The following ANKS1B variants were observed in gnomAD, a reference collection of about 807,000 sequenced individuals.
The protein encoded by ANKS1B is ankyrin repeat and sterile alpha motif domain containing 1B.
Under a neutral mutation model 148.3 loss-of-function variants are expected in ANKS1B, and 36 were observed. The ratio of observed to expected loss-of-function variants is 0.24; its 90% CI spans 0.19 to 0.32. The LOEUF is 0.32. Ranked by LOEUF, ANKS1B falls within the 10% of genes least tolerant of loss-of-function variation. The probability of loss-of-function intolerance (pLI) is 1.00; values close to 1 mark genes in which losing one functional copy is unlikely to be tolerated. For synonymous variants in ANKS1B, 542 were observed against 560.8 expected, an observed-to-expected ratio of 0.97 and a Z score of 0.47; for missense variants, 1,157 against 1,542.6, an observed-to-expected ratio of 0.75 and a Z score of 4.19.
Position 99,504,644 on chromosome 12 carries a change from GA to G in ANKS1B, c.1273-4del. On this transcript the variant is annotated splice_region_variant and splice_polypyrimidine_tract_variant and intron_variant, in intron 9 of 26. Coordinates refer to ENST00000683438, the MANE Select transcript of ANKS1B (RefSeq NM_001352186.2). ...TTTCTCTTCTTTGGATAGGACTCCT[GA>G]AAAGAAGAAAAAATAAAAACAGCTT... 3 of 1,524,510 alleles carry G rather than the reference GA, an allele frequency of 2.0e-6. No individual in the cohort carries two copies. Among genetic ancestry groups the G allele is most frequent in the Non-Finnish European group, 2.6e-6 (3 of 1,136,236 alleles). The allele number at this position is 1,524,510 out of a possible 1,614,324, so 94.4% of individuals were successfully genotyped here.
chr12:99,656,615 C>T (rs184168115), intron 8 of ANKS1B, among the ~76,000 whole-genome samples: 1 of 152,090 alleles, frequency 6.6e-6, no homozygotes, highest in East Asian at 1.9e-4. Context: ...CAAACCAAGA[C>T]CTCTAACATC....
At chr12:98,870,734 C>T (rs2099659367) in intron 17 of ANKS1B, among the ~76,000 whole-genome samples, 1 of 152,232 alleles carries the variant, frequency 6.6e-6, no homozygotes, top group African/African-American at 2.4e-5. Context: ...AGCACACAGC[C>T]TCGTTATCCA....
At chr12:99,378,652 C>CAAAAAAAAAAAAA (rs140892353) in intron 12 of ANKS1B, among the ~76,000 whole-genome samples, 3 of 90,710 alleles carry the variant, frequency 3.3e-5, no homozygotes, top group East Asian at 6.0e-4. Flanking sequence ...GACTCCATCT[C>CAAAAAAAAAAAAA]AAAAAAAAAA....
chr12:99,170,719 A>G lies in ANKS1B; in HGVS notation c.2420-16324T>C, dbSNP rs11833329. 2.9e-3 allele frequency among the ~76,000 whole-genome samples: 435 copies of G among 152,268 alleles called. 2 individuals carry two copies. Among genetic ancestry groups the G allele is most frequent in the African/African-American group, 0.01 (429 of 41,558 alleles). On this transcript the variant is annotated intron_variant, in intron 14 of 26. Coordinates refer to ENST00000683438, the MANE Select transcript of ANKS1B (RefSeq NM_001352186.2). ...TAACAGGAAAGCTAATTGTACCGTG[A>G]AGTGATCAGAATTCCCACACCCATG...
chr12:99,527,247 A>T (rs1332271444), intron 9 of ANKS1B, among the ~76,000 whole-genome samples: 1 of 152,172 alleles, frequency 6.6e-6, no homozygotes, highest in Non-Finnish European at 1.5e-5. Context: ...ACTTTTGATT[A>T]ATCTCTTAGC....
chr12:98,744,551 A>G lies in ANKS1B; in HGVS notation c.*1188T>C, dbSNP rs914630453. On this transcript the variant is annotated 3_prime_UTR_variant, in exon 27 of 27. Coordinates refer to ENST00000683438, the MANE Select transcript of ANKS1B (RefSeq NM_001352186.2). ...AAATATACATTATGGTATCATACAAATACTCCACAGAGACATTAAAAAATT... is the reference window on the plus strand; with the variant it reads ...AAATATACATTATGGTATCATACAAGTACTCCACAGAGACATTAAAAAATT... The G allele has an allele frequency of 3.3e-6, 2 of 612,558 alleles. No homozygotes were observed. The highest frequency in any genetic ancestry group is 4.0e-5 in the African/African-American group (2 of 50,120). 37.9% of individuals were successfully genotyped at this position (612,558 alleles called of 1,614,324 possible). A position where few individuals can be genotyped will look rare whatever the true frequency, so the allele number is the denominator to read the frequency against.
Position 99,671,311 on chromosome 12 carries a change from C to T in ANKS1B, c.1129-16101G>A, listed in dbSNP as rs891552297. ...CTATAAAATAGAAATGCTTTCAGTG[C>T]TGATGTTTACGTAAATATGTACTTG... On this transcript the variant is annotated intron_variant, in intron 8 of 26. Coordinates refer to ENST00000683438, the MANE Select transcript of ANKS1B (RefSeq NM_001352186.2). 1.4e-4 allele frequency among the ~76,000 whole-genome samples: 21 copies of T among 152,134 alleles called. 1 individual carries two copies. The highest frequency in any genetic ancestry group is 5.1e-4 in the African/African-American group (21 of 41,542).
intron 15 of ANKS1B, among the ~76,000 whole-genome samples, chr12:99,142,946 GAT>G (rs1266903092): frequency 6.6e-6 from 1 of 152,098 alleles, no homozygotes; most frequent in Non-Finnish European, 1.5e-5. Flanking sequence ...ATACAGGCCT[GAT>G]GAATGCCAAA....
Position 98,745,287 on chromosome 12 carries a change from G to A in ANKS1B, c.*452C>T, listed in dbSNP as rs1415033758. ...AGAATGATTTTACAGATGCTTTGGAGGTGGGAGGGGTAGTGCTGCTCTGAT... is the reference window on the plus strand; with the variant it reads ...AGAATGATTTTACAGATGCTTTGGAAGTGGGAGGGGTAGTGCTGCTCTGAT... On this transcript the variant is annotated 3_prime_UTR_variant, in exon 27 of 27. Coordinates refer to ENST00000683438, the MANE Select transcript of ANKS1B (RefSeq NM_001352186.2). The A allele has an allele frequency of 1.0e-6, 1 of 985,766 alleles. No homozygotes were observed. The highest frequency in any genetic ancestry group is 6.2e-5 in the Admixed American group (1 of 16,260). The allele number at this position is 985,766 out of a possible 1,614,324, so 61.1% of individuals were successfully genotyped here. A position where few individuals can be genotyped will look rare whatever the true frequency, so the allele number is the denominator to read the frequency against.
chr12:99,628,503 T>C (rs373194036), intron 9 of ANKS1B, among the ~76,000 whole-genome samples: 68 of 152,190 alleles, frequency 4.5e-4, no homozygotes, highest in African/African-American at 1.5e-3. Flanking sequence ...GTCCACAGCA[T>C]TGTTGCCTTT....
chr12:99,742,355 A>T (rs2060198288), intron 8 of ANKS1B, among the ~76,000 whole-genome samples: 1 of 152,154 alleles, frequency 6.6e-6, no homozygotes, highest in South Asian at 2.1e-4. Context: ...TTAAAAAGAA[A>T]GAAAACCAAA....
intron 9 of ANKS1B, among the ~76,000 whole-genome samples, chr12:99,566,651 G>C (rs887376389): frequency 6.6e-6 from 1 of 152,160 alleles, no homozygotes; most frequent in East Asian, 1.9e-4. Flanking sequence ...GGCTTTATAA[G>C]AAGAGGAAGA....
chr12:99,345,202 G>T (rs2090492030), intron 12 of ANKS1B, among the ~76,000 whole-genome samples: 1 of 152,038 alleles, frequency 6.6e-6, no homozygotes, highest in Admixed American at 6.6e-5. Context: ...TGGTCAAATT[G>T]TTACTATGCC....
At chr12:99,431,929 G>C (rs549576657) in intron 11 of ANKS1B, among the ~76,000 whole-genome samples, 1 of 152,182 alleles carries the variant, frequency 6.6e-6, no homozygotes, top group Non-Finnish European at 1.5e-5. Context: ...GGGTCAAGAG[G>C]ACAGATCTCT....
intron 17 of ANKS1B, among the ~76,000 whole-genome samples, chr12:99,049,304 ACG>A (rs1199209158): frequency 1.3e-5 from 2 of 152,076 alleles, no homozygotes; most frequent in Non-Finnish European, 1.5e-5. Context: ...ATATGTACAC[ACG>A]CACACACACA....
At chr12:99,617,713 G>T (rs1383135073) in intron 9 of ANKS1B, among the ~76,000 whole-genome samples, 1 of 151,782 alleles carries the variant, frequency 6.6e-6, no homozygotes, top group East Asian at 1.9e-4. Context: ...CTAGATGATG[G>T]GTTGATAGGT....
chr12:99,514,452 A>G (rs1472584857), intron 9 of ANKS1B, among the ~76,000 whole-genome samples: 2 of 152,052 alleles, frequency 1.3e-5, no homozygotes, highest in African/African-American at 4.8e-5. Context: ...TACAACTTAT[A>G]TTTATGCAGT....
At chr12:99,196,916 T>C (rs1449589090) in intron 14 of ANKS1B, among the ~76,000 whole-genome samples, 1 of 152,134 alleles carries the variant, frequency 6.6e-6, no homozygotes, top group Non-Finnish European at 1.5e-5. Context: ...GCAAAAGAGC[T>C]TCCTCTCAGT....
intron 17 of ANKS1B, among the ~76,000 whole-genome samples, chr12:99,036,074 A>G (rs1450460962): frequency 2.0e-5 from 3 of 152,118 alleles, no homozygotes; most frequent in Non-Finnish European, 4.4e-5. Context: ...ACCTCTCTGC[A>G]TTCCCTGGGG....
Sources: allele counts gnomAD v4.1 joint callset (sites outside exome capture counted in the v4.1 genomes callset), GRCh38; gene constraint gnomAD v4.1.1; transcripts MANE v1.5; gene names NCBI Gene and HGNC (gene_info 2026-07-23, HGNC 2026-07-21).